RASEF: variants seen among roughly 807,000 people sequenced by gnomAD.
RASEF encodes the protein RAS and EF-hand domain containing.
In RASEF, 68 loss-of-function variants were observed where a neutral mutation model predicts 90.1. The observed-to-expected ratio is 0.75, with a 90% confidence interval of 0.62 to 0.92. The LOEUF (loss-of-function observed/expected upper bound fraction) is 0.92, where lower values mean the gene tolerates loss of function less well. Ranked by LOEUF, RASEF falls within the 40% of genes least tolerant of loss-of-function variation. The pLI is 0.00. For synonymous variants in RASEF, 331 were observed against 345.2 expected, an observed-to-expected ratio of 0.96 and a Z score of 0.46; for missense variants, 949 against 937.2, an observed-to-expected ratio of 1.01 and a Z score of -0.16.
chr9:83,070,147 C>A, the RASEF span, among the ~76,000 whole-genome samples: 1 of 151,400 alleles, frequency 6.6e-6, no homozygotes, highest in Admixed American at 6.6e-5. Context: ...TGATGAAATT[C>A]AACTTATCAG....
At chr9:83,166,602 C>T in the RASEF span, among the ~76,000 whole-genome samples, 1 of 152,308 alleles carries the variant, frequency 6.6e-6, no homozygotes, top group South Asian at 2.1e-4. Flanking sequence ...TTTCATTGGA[C>T]AGAATACATA....
chr9:83,129,084 A>G, the RASEF span, among the ~76,000 whole-genome samples: 1 of 152,172 alleles, frequency 6.6e-6, no homozygotes, highest in Non-Finnish European at 1.5e-5. Flanking sequence ...GACATAAACT[A>G]TATACTCCTT....
the RASEF span, among the ~76,000 whole-genome samples, chr9:83,172,783 G>A: frequency 2.0e-5 from 3 of 151,900 alleles, no homozygotes; most frequent in African/African-American, 4.8e-5. Flanking sequence ...AAAGATAGCA[G>A]TAGTTGATAC....
At chr9:83,147,550 G>A in the RASEF span, among the ~76,000 whole-genome samples, 1 of 152,136 alleles carries the variant, frequency 6.6e-6, no homozygotes, top group Non-Finnish European at 1.5e-5. Flanking sequence ...TGGTATACAA[G>A]CCAGGGTAAG....
Position 83,062,567 on chromosome 9 carries a change from C to T in RASEF, c.301G>A (p.Asp101Asn). Residue 101 changes from aspartate to asparagine, a missense_variant, in exon 1 of 17, where the codon GAC (aspartate) becomes AAC (asparagine). Around this residue, in one of 3 missense-constraint regions of RASEF, gnomAD observed 656 missense variants for 592.2 expected, o/e 1.11. Transcript: ENST00000376447. ...TCGTCGCCTTCGTCCTCCTCGCTGT[C>T]GTGTGTCTCCGGCCCCGCCTCAGAC... is the stretch of plus-strand genomic sequence containing the variant. ...AVSEAGPETH[D>N]SEEDEGDEDA... is the part of the protein sequence containing the mutation. 1 of 1,590,446 alleles carries T rather than the reference C, an allele frequency of 6.3e-7. No individual in the cohort carries two copies. The highest frequency in any genetic ancestry group is 8.6e-7 in the Non-Finnish European group (1 of 1,167,966).
chr9:83,118,474 T>C, the RASEF span, among the ~76,000 whole-genome samples: 1 of 152,168 alleles, frequency 6.6e-6, no homozygotes, highest in South Asian at 2.1e-4. Context: ...ACATATTTTT[T>C]ATTTCTCGTA....
chr9:83,197,485 G>A, the RASEF span, among the ~76,000 whole-genome samples: 4 of 152,078 alleles, frequency 2.6e-5, no homozygotes, highest in Non-Finnish European at 5.9e-5. Context: ...CCTTGATGGA[G>A]CTTACATTCC....
chr9:83,028,618 C>T (rs1688784541), intron 1 of RASEF, among the ~76,000 whole-genome samples: 1 of 152,154 alleles, frequency 6.6e-6, no homozygotes, highest in South Asian at 2.1e-4. Flanking sequence ...AGACAGCCAT[C>T]TCACAATTGG....
At chr9:83,165,887 T>C in the RASEF span, among the ~76,000 whole-genome samples, 87,751 of 151,942 alleles carry the variant, frequency 0.58, 26,232 homozygotes, top group African/African-American at 0.73. Flanking sequence ...AAAAACCCTA[T>C]GGCCACAAAT....
chr9:83,043,963 C>A (rs972661517), intron 1 of RASEF, among the ~76,000 whole-genome samples: 1 of 152,270 alleles, frequency 6.6e-6, no homozygotes, highest in South Asian at 2.1e-4. Context: ...CTGCTGGGAA[C>A]GGAATAATGA....
In RASEF at chr9:83,062,764, G is replaced by T. The variant is rs1490733293; in HGVS notation, c.104C>A (p.Ala35Glu). Residue 35 changes from alanine (A) to glutamate (E), a missense_variant, in exon 1 of 17, where the codon GCA becomes GAA. By Grantham distance (107) the Ala-to-Glu change is moderately radical. Transcript: ENST00000376447. ...SGRLEREEFR[A>E]LCTELRVRPA... ...CCGCACCCGCAGCTCCGTGCACAGT[G>T]CCCGGAACTCCTCGCGCTCCAGGCG... is the stretch of plus-strand genomic sequence containing the variant. The T allele has an allele frequency of 6.4e-7, 1 of 1,562,510 alleles. No individual in the cohort carries two copies. The highest frequency in any genetic ancestry group is 1.8e-5 in the Admixed American group (1 of 55,728).
the RASEF span, among the ~76,000 whole-genome samples, chr9:83,073,675 T>C: frequency 3.3e-5 from 5 of 152,236 alleles, no homozygotes; most frequent in Non-Finnish European, 7.3e-5. Flanking sequence ...ATAAAGCCAC[T>C]GTGCATACAA....
At position 83,062,949 on chromosome 9, in the gene RASEF, G is replaced by A. The variant is rs1165590560; in HGVS notation, c.-82C>T. 1 of 1,320,374 alleles carries A rather than the reference G, an allele frequency of 7.6e-7. No individual in the cohort carries two copies. Among genetic ancestry groups the A allele is most frequent in the Non-Finnish European group, 9.7e-7 (1 of 1,028,146 alleles). 81.8% of individuals were successfully genotyped at this position (1,320,374 alleles called of 1,614,324 possible). A position where few individuals can be genotyped will look rare whatever the true frequency, so the allele number is the denominator to read the frequency against. ...CCCTGGAAGGACGGGGCCACCTGCT[G>A]CCGCCGGGAGGCCCGGCGAGTTTGG... On this transcript the variant is annotated 5_prime_UTR_variant, in exon 1 of 17. Coordinates refer to ENST00000376447, the MANE Select transcript of RASEF (RefSeq NM_152573.4).
intron 1 of RASEF, among the ~76,000 whole-genome samples, chr9:83,041,742 C>T (rs1033085125): frequency 6.6e-6 from 1 of 152,066 alleles, no homozygotes; most frequent in Admixed American, 6.6e-5. Flanking sequence ...TTCTGCAGAA[C>T]GGAAGGGTGA....
At chr9:83,045,929 T>C (rs1829921041) in intron 1 of RASEF, among the ~76,000 whole-genome samples, 1 of 152,084 alleles carries the variant, frequency 6.6e-6, no homozygotes, top group Admixed American at 6.6e-5. Flanking sequence ...TCCACCTGTG[T>C]TGTCTGGGTT....
intron 15 of RASEF, among the ~76,000 whole-genome samples, chr9:82,990,834 G>A (rs902270728): frequency 6.6e-6 from 1 of 152,156 alleles, no homozygotes; most frequent in Non-Finnish European, 1.5e-5. Context: ...TCAAGAGTCT[G>A]TTTCCCTTTG....
At chr9:83,201,456 C>A in the RASEF span, among the ~76,000 whole-genome samples, 1 of 152,086 alleles carries the variant, frequency 6.6e-6, no homozygotes, top group Non-Finnish European at 1.5e-5. Flanking sequence ...GGAGACACTC[C>A]CAAATAGTAA....
chr9:83,044,886 G>A (rs1336430166), intron 1 of RASEF, among the ~76,000 whole-genome samples: 1 of 152,136 alleles, frequency 6.6e-6, no homozygotes, highest in Non-Finnish European at 1.5e-5. Flanking sequence ...GGGTAGGTGA[G>A]TCTCATCCAT....
intron 1 of RASEF, chr9:83,048,191 A>C (rs1295750881): frequency 3.0e-6 from 3 of 985,318 alleles, no homozygotes; most frequent in Non-Finnish European, 3.6e-6. Flanking sequence ...TAAGAGCGGA[A>C]GGAGCTTGGA....
Sources: allele counts gnomAD v4.1 joint callset (sites outside exome capture counted in the v4.1 genomes callset), GRCh38; gene constraint gnomAD v4.1.1; regional missense constraint gnomAD v4.1.1; transcripts MANE v1.5; gene names NCBI Gene and HGNC (gene_info 2026-07-23, HGNC 2026-07-21).